CLDN16: variants seen among roughly 807,000 people sequenced by gnomAD.
The protein encoded by CLDN16 is claudin-16.
In CLDN16, 13 loss-of-function variants were observed where a neutral mutation model predicts 24.6. That is an observed-to-expected ratio of 0.53 (90% CI 0.34 to 0.84). CLDN16 has a LOEUF of 0.84. CLDN16 is among the 40% of genes least tolerant of loss of function. The pLI is 0.01. For missense variants in CLDN16, 298 were observed against 292.7 expected, an observed-to-expected ratio of 1.02 and a Z score of -0.13; for synonymous variants, 116 against 106.7, an observed-to-expected ratio of 1.09 and a Z score of -0.54.
At chr3:190,398,863 G>A (rs1718886827) in intron 1 of CLDN16, among the ~76,000 whole-genome samples, 1 of 152,136 alleles carries the variant, frequency 6.6e-6, no homozygotes, top group South Asian at 2.1e-4. Context: ...GATAGTAAGA[G>A]TTTCAATCTA....
At chr3:190,352,625 T>C (rs1717692779) in intron 1 of CLDN16, among the ~76,000 whole-genome samples, 1 of 152,138 alleles carries the variant, frequency 6.6e-6, no homozygotes, top group Admixed American at 6.6e-5. Flanking sequence ...AGAAAACTGC[T>C]GTATTTGAAT....
chr3:190,396,909 G>T (rs1386029812), intron 1 of CLDN16, among the ~76,000 whole-genome samples: 1 of 152,114 alleles, frequency 6.6e-6, no homozygotes, highest in Non-Finnish European at 1.5e-5. Context: ...ACCAGGAAGA[G>T]AAAACTCAAA....
chr3:190,407,977 A>C (rs997117455), intron 3 of CLDN16, among the ~76,000 whole-genome samples: 1 of 152,190 alleles, frequency 6.6e-6, no homozygotes, highest in African/African-American at 2.4e-5. Context: ...GTTTTGTTTT[A>C]GTATTTTCCT....
At chr3:190,369,901 A>G (rs1718100452) in intron 1 of CLDN16, among the ~76,000 whole-genome samples, 1 of 151,956 alleles carries the variant, frequency 6.6e-6, no homozygotes, top group Admixed American at 6.6e-5. Context: ...TGCTTGAGTA[A>G]AAGGTCTGAG....
chr3:190,354,145 A>G (rs941683702), intron 1 of CLDN16, among the ~76,000 whole-genome samples: 1 of 151,844 alleles, frequency 6.6e-6, no homozygotes, highest in Non-Finnish European at 1.5e-5. Context: ...CTCTTTTATA[A>G]AGATACTGGT....
At chr3:190,395,087 G>A (rs1718782466) in intron 1 of CLDN16, among the ~76,000 whole-genome samples, 1 of 152,086 alleles carries the variant, frequency 6.6e-6, no homozygotes, top group African/African-American at 2.4e-5. Flanking sequence ...AAGTTGTAAT[G>A]CCATACTTTT....
intron 1 of CLDN16, among the ~76,000 whole-genome samples, chr3:190,369,050 A>T (rs1284006366): frequency 6.6e-6 from 1 of 151,994 alleles, no homozygotes; most frequent in African/African-American, 2.4e-5. Context: ...CATAGATCTT[A>T]ACCTGATTAG....
At chr3:190,324,779 G>C (rs901853193) in intron 1 of CLDN16, among the ~76,000 whole-genome samples, 6 of 152,198 alleles carry the variant, frequency 3.9e-5, no homozygotes, top group African/African-American at 7.2e-5. Context: ...ATCCTGTCTA[G>C]TTTTCTGCTC....
At chr3:190,400,731 T>A (rs1305359559) in intron 1 of CLDN16, among the ~76,000 whole-genome samples, 1 of 152,204 alleles carries the variant, frequency 6.6e-6, no homozygotes, top group Non-Finnish European at 1.5e-5. Context: ...TGGTTGGATA[T>A]CTAGGTTGAT....
rs542910709 is a variant in CLDN16 at position 190,393,192 on chromosome 3, A to T, written c.114+4749A>T. On this transcript the variant is annotated intron_variant, in intron 1 of 4. Coordinates refer to ENST00000264734, the MANE Select transcript of CLDN16 (RefSeq NM_006580.4). ...ATCTGGGGCAATTGGAGGGGTGGTG[A>T]TGTTACTCACCAAGAGTTTAAATGA... Among the ~76,000 whole-genome samples, 709 of 152,292 alleles carry T rather than the reference A, an allele frequency of 4.7e-3. 5 individuals carry two copies. Among genetic ancestry groups the T allele is most frequent in the African/African-American group, 0.017 (689 of 41,558 alleles).
At chr3:190,308,079 A>T in the CLDN16 span, 7 of 604,204 alleles carry the variant, frequency 1.2e-5, no homozygotes, top group East Asian at 2.3e-4. Flanking sequence ...TCCTATATTG[A>T]GGAAAGAAGA....
chr3:190,340,559 AC>A (rs1717403964), intron 1 of CLDN16, among the ~76,000 whole-genome samples: 1 of 152,112 alleles, frequency 6.6e-6, no homozygotes, highest in East Asian at 1.9e-4. Flanking sequence ...CCATCCCACA[AC>A]ACGTGGGAAT....
chr3:190,302,508 C>T, the CLDN16 span, among the ~76,000 whole-genome samples: 5 of 152,070 alleles, frequency 3.3e-5, no homozygotes, highest in South Asian at 2.1e-4. Context: ...TGGTGGCTCA[C>T]GCCCATAATC....
At chr3:190,401,453 G>A (rs1338009913) in intron 1 of CLDN16, among the ~76,000 whole-genome samples, 2 of 152,114 alleles carry the variant, frequency 1.3e-5, no homozygotes, top group Non-Finnish European at 2.9e-5. Flanking sequence ...ATCCATAACT[G>A]GGTCAGAGGA....
the CLDN16 span, among the ~76,000 whole-genome samples, chr3:190,308,905 C>T: frequency 6.6e-6 from 1 of 152,094 alleles, no homozygotes. Context: ...ATCTGAAATC[C>T]AAATCTTATG....
intron 1 of CLDN16, among the ~76,000 whole-genome samples, chr3:190,361,071 A>G (rs924658524): frequency 6.6e-6 from 1 of 152,020 alleles, no homozygotes; most frequent in Non-Finnish European, 1.5e-5. Context: ...TTTATGTTAA[A>G]ATGTCTTTAT....
intron 1 of CLDN16, among the ~76,000 whole-genome samples, chr3:190,362,885 G>A (rs1717929967): frequency 6.6e-6 from 1 of 151,846 alleles, no homozygotes; most frequent in African/African-American, 2.4e-5. Flanking sequence ...TCCTTTGTCT[G>A]TGGGCTCTTT....
the CLDN16 span, among the ~76,000 whole-genome samples, chr3:190,316,333 C>T: frequency 1.3e-5 from 2 of 152,128 alleles, no homozygotes; most frequent in Non-Finnish European, 2.9e-5. Flanking sequence ...TTGCATCAAA[C>T]CCAAAATCTT....
At chr3:190,393,871 C>G (rs1718748201) in intron 1 of CLDN16, among the ~76,000 whole-genome samples, 1 of 151,726 alleles carries the variant, frequency 6.6e-6, no homozygotes, top group Non-Finnish European at 1.5e-5. Context: ...CTGCCTCAGC[C>G]TCCTGAGTAG....
Sources: allele counts gnomAD v4.1 joint callset (sites outside exome capture counted in the v4.1 genomes callset), GRCh38; gene constraint gnomAD v4.1.1; transcripts MANE v1.5; gene names NCBI Gene and HGNC (gene_info 2026-07-23, HGNC 2026-07-21).